The following EPHA5 variants were observed in gnomAD, a reference collection of about 807,000 sequenced individuals.
The protein encoded by EPHA5 is ephrin type-A receptor 5.
In EPHA5, 60 loss-of-function variants were observed where a neutral mutation model predicts 105.0. The observed-to-expected ratio is 0.57, with a 90% CI of 0.46 to 0.71. The LOEUF (loss-of-function observed/expected upper bound fraction) is 0.71. Ranked by LOEUF, EPHA5 falls within the 30% of genes least tolerant of loss-of-function variation. The pLI is 0.00. For missense variants in EPHA5, 1,218 were observed against 1,274.7 expected (o/e 0.96, Z 0.68); for synonymous variants, 513 against 449.1 (o/e 1.14, Z -1.80).
intron 3 of EPHA5, among the ~76,000 whole-genome samples, chr4:65,550,692 C>G (rs1737810372): frequency 6.6e-6 from 1 of 151,922 alleles, no homozygotes; most frequent in Non-Finnish European, 1.5e-5. Flanking sequence ...GAAAATTAGC[C>G]AGGCATGGTG....
intron 11 of EPHA5, among the ~76,000 whole-genome samples, chr4:65,357,243 G>T (rs1394779101): frequency 2.0e-5 from 3 of 151,398 alleles, no homozygotes; most frequent in Non-Finnish European, 3.0e-5. Context: ...GAGAAGGCAA[G>T]TAAGGCTCAG....
intron 3 of EPHA5, among the ~76,000 whole-genome samples, chr4:65,596,170 T>A (rs903739789): frequency 6.6e-6 from 1 of 152,124 alleles, no homozygotes; most frequent in African/African-American, 2.4e-5. Context: ...CATAAACATA[T>A]CTATAAACAT....
At chr4:65,369,376 T>A (rs1718233561) in intron 8 of EPHA5, among the ~76,000 whole-genome samples, 1 of 152,076 alleles carries the variant, frequency 6.6e-6, no homozygotes, top group African/African-American at 2.4e-5. Flanking sequence ...CAGCACAAAA[T>A]TCAGTTTACT....
intron 8 of EPHA5, among the ~76,000 whole-genome samples, chr4:65,382,317 A>G (rs908198342): frequency 6.6e-6 from 1 of 151,684 alleles, no homozygotes; most frequent in African/African-American, 2.4e-5. Context: ...TTCAATAATG[A>G]CTCTCTGTTT....
At chr4:65,492,994 T>TTTC (rs1199239153) in intron 4 of EPHA5, among the ~76,000 whole-genome samples, 1 of 151,438 alleles carries the variant, frequency 6.6e-6, no homozygotes, top group Non-Finnish European at 1.5e-5. Context: ...TTTTGTTTTG[T>TTTC]TTTTTAATTT....
chr4:65,335,786 G>T, intron 15 of EPHA5, 146 bp downstream of exon 15: 1 of 695,704 alleles, frequency 1.4e-6, no homozygotes. Context: ...TAAGAGAGTA[G>T]CATGCAAAAA....
At chr4:65,600,013 A>C (rs1307795153) in intron 3 of EPHA5, among the ~76,000 whole-genome samples, 1 of 152,204 alleles carries the variant, frequency 6.6e-6, no homozygotes. Flanking sequence ...TTAAGTGCTC[A>C]CATATTCTCT....
At position 65,573,446 on chromosome 4, in the gene EPHA5, C is replaced by T. The variant is rs1740445480; in HGVS notation, c.910+28195G>A. 6.7e-6 allele frequency: 7 copies of T among 1,042,678 alleles called. No homozygotes were observed. In the South Asian group the frequency reaches 8.0e-5, roughly 12 times the overall value. The allele number at this position is 1,042,678 out of a possible 1,614,324, so 64.6% of individuals were successfully genotyped here. ...AAAAAAAAAAAAAAAGAAGCTCTTTCCCATCTTGCAAGATGGCGGGTGAAA... is the reference window on the plus strand; with the variant it reads ...AAAAAAAAAAAAAAAGAAGCTCTTTTCCATCTTGCAAGATGGCGGGTGAAA... On this transcript the variant is annotated intron_variant, in intron 3 of 16. Transcript: ENST00000613740.
At chr4:65,538,460 A>G (rs185918614) in intron 3 of EPHA5, among the ~76,000 whole-genome samples, 1 of 151,818 alleles carries the variant, frequency 6.6e-6, no homozygotes, top group African/African-American at 2.4e-5. Context: ...CTTTTAATTT[A>G]TTCCAAAAGT....
intron 7 of EPHA5, among the ~76,000 whole-genome samples, chr4:65,409,346 A>AAAATAAATAAATAAATAAATAAATAAAT (rs373265971): frequency 7.5e-6 from 1 of 134,210 alleles, no homozygotes; most frequent in Non-Finnish European, 1.6e-5. Context: ...ATAATAATAA[A>AAAATAAATAAATAAATAAATAAATAAAT]AAATAAATAA....
intron 5 of EPHA5, among the ~76,000 whole-genome samples, chr4:65,427,311 AG>A (rs1433411280): frequency 1.3e-5 from 2 of 150,452 alleles, no homozygotes; most frequent in Non-Finnish European, 3.0e-5. Context: ...CAGCCTCCCG[AG>A]TAGCTGGGGT....
Position 65,560,235 on chromosome 4 carries a change from T to C in EPHA5, c.910+41406A>G, listed in dbSNP as rs1738870414. Among the ~76,000 whole-genome samples, 2 of 152,152 alleles carry C rather than the reference T, an allele frequency of 1.3e-5. 1 individual carries two copies. The highest frequency in any genetic ancestry group is 4.1e-4 in the South Asian group (2 of 4,838). On this transcript the variant is annotated intron_variant, in intron 3 of 16. Coordinates refer to ENST00000613740, the MANE Select transcript of EPHA5 (RefSeq NM_001281766.3). ...AATAGATATATTCACATAAGATTTT[T>C]CAAATAAGGAATTTCTGAAGGAAAA...
At chr4:65,344,362 G>C (rs1378719964) in intron 14 of EPHA5, among the ~76,000 whole-genome samples, 1 of 152,138 alleles carries the variant, frequency 6.6e-6, no homozygotes, top group Non-Finnish European at 1.5e-5. Flanking sequence ...AGAAAGCCTA[G>C]TCAAGATGAG....
At chr4:65,635,104 GT>G (rs1461364758) in intron 2 of EPHA5, among the ~76,000 whole-genome samples, 1 of 151,934 alleles carries the variant, frequency 6.6e-6, no homozygotes, top group African/African-American at 2.4e-5. Context: ...TCCATTTTGA[GT>G]AAAAACCTGA....
rs528612316 is a variant in EPHA5 at position 65,454,395 on chromosome 4, T to C, written c.1403-33830A>G. Among the ~76,000 whole-genome samples, 4 of 152,244 alleles carry C rather than the reference T, an allele frequency of 2.6e-5. No individual in the cohort carries two copies. The South Asian group carries it at 6.2e-4, about 24-fold the overall frequency. On this transcript the variant is annotated intron_variant, in intron 5 of 16. Transcript: ENST00000613740. The stretch of plus-strand genomic sequence containing the variant: ...ATTCAATGAAAAATCTTTTTAGTTG[T>C]GTACAAAAAGTATAGATCAGAGTCA...
intron 8 of EPHA5, among the ~76,000 whole-genome samples, chr4:65,382,253 CT>C (rs1719633268): frequency 6.6e-6 from 1 of 151,454 alleles, no homozygotes; most frequent in South Asian, 2.1e-4. Context: ...CAGAAAAAAA[CT>C]TGAGGTGAGA....
chr4:65,581,258 T>A (rs1741592302), intron 3 of EPHA5, among the ~76,000 whole-genome samples: 1 of 151,816 alleles, frequency 6.6e-6, no homozygotes, highest in African/African-American at 2.4e-5. Context: ...TCAGATTTAC[T>A]CAGTTTTTCT....
rs544356061 is a variant in EPHA5, at chr4:65,504,371, T to A, written c.911-8828A>T. ...ATTTTAAAATATATTGAAAAATATA[T>A]ATATATATATAGATAGAACAAATTC... is the stretch of plus-strand genomic sequence containing the variant. On this transcript the variant is annotated intron_variant, in intron 3 of 16. Transcript: ENST00000613740. 5.4e-4 allele frequency among the ~76,000 whole-genome samples: 81 copies of A among 149,782 alleles called. No homozygotes were observed. In the Middle Eastern group the frequency reaches 0.01, roughly 19 times the overall value.
rs1719524443 is a variant in EPHA5 at position 65,320,204 on chromosome 4, A to C, written c.*3910T>G. On this transcript the variant is annotated 3_prime_UTR_variant, in exon 17 of 17. Coordinates refer to ENST00000613740, the MANE Select transcript of EPHA5 (RefSeq NM_001281766.3). ...TTCTATTTTGATACATTACTATATA[A>C]TTAACAGCACAATAGAGAAAATTAT... is the stretch of plus-strand genomic sequence containing the variant. 2 of 229,992 alleles carry C rather than the reference A, an allele frequency of 8.7e-6. No individual in the cohort carries two copies. The highest frequency in any genetic ancestry group is 1.7e-5 in the Non-Finnish European group (2 of 116,006). The allele number at this position is 229,992 out of a possible 1,614,324, so 14.2% of individuals were successfully genotyped here.
Sources: allele counts gnomAD v4.1 joint callset (sites outside exome capture counted in the v4.1 genomes callset), GRCh38; gene constraint gnomAD v4.1.1; transcripts MANE v1.5; gene names NCBI Gene and HGNC (gene_info 2026-07-23, HGNC 2026-07-21).